Variants in CEP120 observed in about 807,000 individuals in gnomAD.
CEP120 encodes centrosomal protein 120, also known as centrosomal protein of 120 kDa.
A neutral mutation model predicts 126.5 loss-of-function variants in CEP120; 113 were observed. The observed-to-expected ratio is 0.89, with a 90% CI of 0.77 to 1.04. The LOEUF (loss-of-function observed/expected upper bound fraction) is 1.04. CEP120 is among the 50% of genes least tolerant of loss of function. The pLI, the probability that CEP120 is intolerant of heterozygous loss-of-function variation, is 0.00. For synonymous variants in CEP120, 400 were observed against 394.3 expected, an observed-to-expected ratio of 1.01 and a Z score of -0.17; for missense variants, 1,230 against 1,155.7, an observed-to-expected ratio of 1.06 and a Z score of -0.93.
chr5:123,389,854 T>C, intron 8 of CEP120, 70 bp downstream of exon 8: 6 of 1,351,608 alleles, frequency 4.4e-6, no homozygotes, highest in East Asian at 2.3e-5. Context: ...AAAGTTCTCA[T>C]AGTCATTTTT....
At position 123,391,602 on chromosome 5, in the gene CEP120, CTTCTTT is replaced by C. The variant is rs59318449; in HGVS notation, c.811-271_811-266del. Reference sequence around the variant, plus strand: ...GGTATTACATAATCATATGTTATTGCTTCTTTTTCTGTCTCTTTGGTGAGCTACTTT... The same window carrying C: ...GGTATTACATAATCATATGTTATTGCTTCTGTCTCTTTGGTGAGCTACTTT... On this transcript the variant is annotated intron_variant, in intron 6 of 19. Transcript: ENST00000306467. 0.4 allele frequency among the ~76,000 whole-genome samples: 61,240 copies of C among 151,286 alleles called. 12,346 individuals carry two copies. The highest frequency in any genetic ancestry group is 0.47 in the East Asian group (2,412 of 5,106).
Position 123,360,060 on chromosome 5 carries a change from GC to G in CEP120, c.2580+4435del, listed in dbSNP as rs1769960316. Among the ~76,000 whole-genome samples the G allele has an allele frequency of 3.3e-5, 5 of 151,996 alleles. No homozygotes were observed. The South Asian group carries it at 1.0e-3, about 32-fold the overall frequency. On this transcript the variant is annotated intron_variant, in intron 18 of 19. Transcript: ENST00000306467. ...TGACAAATTACTGGCAGAGATTACA[GC>G]CCCGTGGCTATTCACCAGAGGCAAT... is the stretch of plus-strand genomic sequence containing the variant.
chr5:123,373,687 A>G (rs899402851), intron 16 of CEP120, among the ~76,000 whole-genome samples: 4 of 152,058 alleles, frequency 2.6e-5, no homozygotes. Context: ...TTGTCCTTCC[A>G]ATTCCTGAGT....
At chr5:123,361,701 G>A (rs913347696) in intron 18 of CEP120, among the ~76,000 whole-genome samples, 9 of 151,740 alleles carry the variant, frequency 5.9e-5, no homozygotes, top group Admixed American at 4.6e-4. Flanking sequence ...CATCAATATC[G>A]AAAGCTACTG....
intron 14 of CEP120, 132 bp downstream of exon 14, chr5:123,381,979 C>A: frequency 1.7e-6 from 1 of 592,430 alleles, no homozygotes; most frequent in Non-Finnish European, 2.9e-6. Context: ...CCAGAGCCAC[C>A]ACTCACTTCT....
At chr5:123,350,176 T>C in intron 18 of CEP120, 87 bp from the exon 19 acceptor site, 1 of 1,214,214 alleles carries the variant, frequency 8.2e-7, no homozygotes, top group Non-Finnish European at 1.2e-6. Flanking sequence ...TAATCCTATT[T>C]GACAACACCC....
chr5:123,381,385 T>TGGAGCACC (rs918023158), intron 14 of CEP120, among the ~76,000 whole-genome samples: 2 of 151,940 alleles, frequency 1.3e-5, no homozygotes, highest in African/African-American at 4.8e-5. Context: ...GAAGGAGCAC[T>TGGAGCACC]GGAGCCCTGT....
intron 14 of CEP120, among the ~76,000 whole-genome samples, chr5:123,378,761 C>T (rs969042364): frequency 2.0e-5 from 3 of 151,918 alleles, no homozygotes; most frequent in Non-Finnish European, 2.9e-5. Context: ...AAATTTGAAA[C>T]GCATATGTAG....
chr5:123,402,094 T>C lies in CEP120; in HGVS notation c.464-2810A>G, dbSNP rs575928333. On this transcript the variant is annotated intron_variant, in intron 4 of 19. Coordinates refer to ENST00000306467, the MANE Select transcript of CEP120 (RefSeq NM_001375405.1). The stretch of plus-strand genomic sequence containing the variant: ...TTCTCCTGGGTGCACACAGCCTGGA[T>C]GTCGGGGTCCACCTCCAGGACAAGG... 3.7e-5 allele frequency: 58 copies of C among 1,569,508 alleles called. 1 individual carries two copies. In the East Asian group the frequency reaches 8.9e-4, roughly 24 times the overall value.
intron 5 of CEP120, among the ~76,000 whole-genome samples, chr5:123,394,086 G>A (rs973623849): frequency 2.0e-5 from 3 of 152,096 alleles, no homozygotes; most frequent in African/African-American, 4.8e-5. Context: ...TGGGATTCTT[G>A]TCCTACAAAA....
chr5:123,396,427 T>TG, intron 5 of CEP120, among the ~76,000 whole-genome samples: 1 of 146,646 alleles, frequency 6.8e-6, no homozygotes, highest in Non-Finnish European at 1.5e-5. Flanking sequence ...AACCTGTGTG[T>TG]TTTTTTTTTT....
chr5:123,387,411 C>G (rs1772101801), intron 9 of CEP120, among the ~76,000 whole-genome samples: 1 of 152,040 alleles, frequency 6.6e-6, no homozygotes, highest in African/African-American at 2.4e-5. Context: ...TACCACCACA[C>G]TACAGGATTT....
intron 13 of CEP120, among the ~76,000 whole-genome samples, 162 bp downstream of exon 13, chr5:123,382,575 G>C (rs1457987624): frequency 1.3e-5 from 2 of 152,040 alleles, no homozygotes; most frequent in Non-Finnish European, 2.9e-5. Flanking sequence ...CCACATTTCA[G>C]GTATTTTTTG....
At chr5:123,382,630 G>T in intron 13 of CEP120, 107 bp downstream of exon 13, 1 of 994,000 alleles carries the variant, frequency 1.0e-6, no homozygotes, top group Non-Finnish European at 1.4e-6. Context: ...ATTCAAAGAA[G>T]TTAGATAAGG....
chr5:123,412,916 T>G (rs1028040873), intron 3 of CEP120, among the ~76,000 whole-genome samples: 1 of 152,168 alleles, frequency 6.6e-6, no homozygotes, highest in Non-Finnish European at 1.5e-5. Context: ...CTTCTCACGT[T>G]TTTAAATTAT....
chr5:123,364,677 G>A (rs1431480833), intron 17 of CEP120, 83 bp from the exon 18 acceptor site: 8 of 717,132 alleles, frequency 1.1e-5, no homozygotes, highest in African/African-American at 1.8e-5. Context: ...AAAGAGTCTG[G>A]CTTAAGAAAA....
chr5:123,408,401 G>C (rs1260335656), intron 4 of CEP120, among the ~76,000 whole-genome samples: 1 of 150,034 alleles, frequency 6.7e-6, no homozygotes, highest in African/African-American at 2.4e-5. Flanking sequence ...AAAAAAGAAA[G>C]GATACAAATT....
At chr5:123,417,287 C>T (rs574441294) in intron 2 of CEP120, among the ~76,000 whole-genome samples, 2 of 144,450 alleles carry the variant, frequency 1.4e-5, no homozygotes, top group East Asian at 2.1e-4. Context: ...TAGAGTTTTC[C>T]TTGCTTTCCT....
At chr5:123,414,284 A>C (rs1020710969) in intron 3 of CEP120, among the ~76,000 whole-genome samples, 1 of 152,222 alleles carries the variant, frequency 6.6e-6, no homozygotes, top group Non-Finnish European at 1.5e-5. Context: ...CCAGGGTCTA[A>C]AACTAAAGAA....
Sources: allele counts gnomAD v4.1 joint callset (sites outside exome capture counted in the v4.1 genomes callset), GRCh38; gene constraint gnomAD v4.1.1; transcripts MANE v1.5; gene names NCBI Gene and HGNC (gene_info 2026-07-23, HGNC 2026-07-21).